SCAPER: variants seen among roughly 807,000 people sequenced by gnomAD.
SCAPER encodes the protein S phase cyclin A-associated protein in the endoplasmic reticulum.
In SCAPER, 98 loss-of-function variants were observed where a neutral mutation model predicts 182.2. The observed-to-expected ratio is 0.54, with a 90% CI of 0.46 to 0.64. SCAPER has a LOEUF of 0.64. Ranked by LOEUF, SCAPER falls within the 30% of genes least tolerant of loss-of-function variation. SCAPER has a pLI of 0.00. For synonymous variants in SCAPER, 605 were observed against 564.6 expected (o/e 1.07, Z -1.01); for missense variants, 1,432 against 1,690.0 (o/e 0.85, Z 2.68).
chr15:76,805,202 T>C (rs1466654992), intron 5 of SCAPER, among the ~76,000 whole-genome samples: 1 of 152,240 alleles, frequency 6.6e-6, no homozygotes, highest in Non-Finnish European at 1.5e-5. Flanking sequence ...TTGTTTCTAC[T>C]GTTTATTATG....
In SCAPER at chr15:76,420,922, C is replaced by T. The variant is rs145035594; in HGVS notation, c.3311+13156G>A. ...TGCTGAGAATGATGGTTTCTAGATT[C>T]ATCCATGTCCCTACAAAGGACATGA... On this transcript the variant is annotated intron_variant, in intron 26 of 31. Coordinates refer to ENST00000563290, the MANE Select transcript of SCAPER (RefSeq NM_020843.4). Among the ~76,000 whole-genome samples the T allele has an allele frequency of 1.2e-4, 18 of 152,296 alleles. No homozygotes were observed. In the East Asian group the frequency reaches 3.5e-3, roughly 29 times the overall value.
chr15:76,769,498 T>C (rs1598619084), intron 10 of SCAPER, among the ~76,000 whole-genome samples: 1 of 142,644 alleles, frequency 7.0e-6, no homozygotes, highest in African/African-American at 2.6e-5. Context: ...CATCAAAAAG[T>C]GGGCAAAGGA....
chr15:76,728,379 A>G (rs1054980780), intron 17 of SCAPER, among the ~76,000 whole-genome samples: 3 of 152,030 alleles, frequency 2.0e-5, no homozygotes, highest in African/African-American at 7.2e-5. Context: ...CAAATTATAT[A>G]TTTTTTGATT....
chr15:76,833,367 C>T (rs373637145), intron 5 of SCAPER, among the ~76,000 whole-genome samples: 23 of 152,254 alleles, frequency 1.5e-4, no homozygotes, highest in African/African-American at 5.5e-4. Context: ...TAAAAGAGGT[C>T]CCTAAGGGAG....
At chr15:76,765,288 C>A in intron 13 of SCAPER, 49 bp downstream of exon 13, 1 of 1,424,782 alleles carries the variant, frequency 7.0e-7, no homozygotes, top group Non-Finnish European at 9.8e-7. Context: ...TCAAGAGTGG[C>A]TAGTTTCCTT....
At chr15:76,371,022 A>G (rs2042132226) in intron 29 of SCAPER, among the ~76,000 whole-genome samples, 2 of 152,210 alleles carry the variant, frequency 1.3e-5, no homozygotes, top group South Asian at 4.1e-4. Flanking sequence ...TACCTGTTAC[A>G]TGCCTGGCCT....
At chr15:76,905,273 T>C (rs577067563) in intron 1 of SCAPER, 26 bp downstream of exon 1, 2 of 256,662 alleles carry the variant, frequency 7.8e-6, no homozygotes, top group Non-Finnish European at 1.6e-5. Context: ...GGGTCTGCGC[T>C]ACGCACGCCC....
At chr15:76,359,446 A>G (rs574165327) in intron 29 of SCAPER, among the ~76,000 whole-genome samples, 1 of 152,390 alleles carries the variant, frequency 6.6e-6, no homozygotes, top group African/African-American at 2.4e-5. Flanking sequence ...CTCTGAAAAG[A>G]AAATCCAGGA....
Position 76,817,288 on chromosome 15 carries a change from T to C in SCAPER, c.394-12655A>G, listed in dbSNP as rs576661061. 5.3e-5 allele frequency among the ~76,000 whole-genome samples: 8 copies of C among 152,306 alleles called. No individual in the cohort carries two copies. In the South Asian group the frequency reaches 6.2e-4, roughly 12 times the overall value. Reference sequence around the variant, plus strand: ...ACAATATGAATAAACCTCAAGGACATTGTGCTATGTGAAATAAGCCAGACC... The same window carrying C: ...ACAATATGAATAAACCTCAAGGACACTGTGCTATGTGAAATAAGCCAGACC... On this transcript the variant is annotated intron_variant, in intron 5 of 31. Coordinates refer to ENST00000563290, the MANE Select transcript of SCAPER (RefSeq NM_020843.4).
intron 21 of SCAPER, among the ~76,000 whole-genome samples, chr15:76,656,942 T>C (rs2055694268): frequency 6.6e-6 from 1 of 152,026 alleles, no homozygotes; most frequent in Non-Finnish European, 1.5e-5. Context: ...CACATCAAAA[T>C]CTTAGAAAGA....
intron 26 of SCAPER, among the ~76,000 whole-genome samples, chr15:76,423,009 G>A (rs1362911140): frequency 6.6e-6 from 1 of 152,148 alleles, no homozygotes; most frequent in Non-Finnish European, 1.5e-5. Flanking sequence ...ATGTGCTGCT[G>A]GATTCGGTTT....
chr15:76,571,022 T>C (rs1029663787), intron 23 of SCAPER, among the ~76,000 whole-genome samples: 1 of 152,124 alleles, frequency 6.6e-6, no homozygotes, highest in Non-Finnish European at 1.5e-5. Flanking sequence ...TGTGGTCTTA[T>C]CTTTATGAAA....
At chr15:76,873,331 A>AAGGAAGGC (rs1568382432) in intron 2 of SCAPER, among the ~76,000 whole-genome samples, 13 of 83,758 alleles carry the variant, frequency 1.6e-4, no homozygotes, top group African/African-American at 4.5e-4. Flanking sequence ...GGAAGGAAGG[A>AAGGAAGGC]AGGCAGGCAG....
At chr15:76,613,759 C>T (rs374749476) in intron 22 of SCAPER, among the ~76,000 whole-genome samples, 1 of 152,152 alleles carries the variant, frequency 6.6e-6, no homozygotes, top group East Asian at 1.9e-4. Flanking sequence ...CAAAAAATCA[C>T]AGATGCTGGC....
At chr15:76,493,709 C>T (rs1205335652) in intron 24 of SCAPER, among the ~76,000 whole-genome samples, 1 of 152,180 alleles carries the variant, frequency 6.6e-6, no homozygotes. Flanking sequence ...TTTAAATTCA[C>T]AATTAAACAT....
intron 14 of SCAPER, among the ~76,000 whole-genome samples, chr15:76,755,538 G>A (rs1186779590): frequency 6.6e-6 from 1 of 152,072 alleles, no homozygotes; most frequent in Non-Finnish European, 1.5e-5. Context: ...TTACAATATA[G>A]TGGCCATATA....
chr15:76,690,695 GGTCTAGATAGTTTATAAGTAA>G (rs1244968174), intron 20 of SCAPER, among the ~76,000 whole-genome samples: 2 of 152,082 alleles, frequency 1.3e-5, no homozygotes, highest in East Asian at 3.9e-4. Context: ...AAGAACATCA[GGTCTAGATAGTTTATAAGTAA>G]GTCTACCAAA....
At position 76,755,569 on chromosome 15, in the gene SCAPER, G is replaced by T. The variant is rs116509776; in HGVS notation, c.1726-1621C>A. On this transcript the variant is annotated intron_variant, in intron 14 of 31. Transcript: ENST00000563290. Reference sequence around the variant, plus strand: ...ATATATCTTTCAACATGCTGTGTTAGGTACTTGTAGTATGGAGCCTCTGAG... The same window carrying T: ...ATATATCTTTCAACATGCTGTGTTATGTACTTGTAGTATGGAGCCTCTGAG... 6.3e-3 allele frequency among the ~76,000 whole-genome samples: 961 copies of T among 152,220 alleles called. 14 individuals are homozygous for T. The highest frequency in any genetic ancestry group is 0.022 in the African/African-American group (923 of 41,526).
intron 29 of SCAPER, among the ~76,000 whole-genome samples, chr15:76,359,562 A>C (rs1250008420): frequency 6.6e-6 from 1 of 152,252 alleles, no homozygotes; most frequent in African/African-American, 2.4e-5. Flanking sequence ...GTCAACCTGA[A>C]AACAGAGCAG....
Sources: gnomAD v4.1 joint callset for allele counts (sites outside exome capture counted in the v4.1 genomes callset) on GRCh38, gnomAD v4.1.1 for gene constraint, MANE v1.5 for transcripts, NCBI Gene and HGNC (gene_info 2026-07-23, HGNC 2026-07-21) for gene names.